CELSR2: variants seen among roughly 807,000 people sequenced by gnomAD.
The protein encoded by CELSR2 is EGF-like protein 2.
Under a neutral mutation model 251.6 loss-of-function variants are expected in CELSR2, and 81 were observed. That is an observed-to-expected ratio of 0.32 (90% CI 0.27 to 0.39). The LOEUF is 0.39. Ranked by LOEUF, CELSR2 falls within the 10% of genes least tolerant of loss-of-function variation. The pLI, the probability that CELSR2 is intolerant of heterozygous loss-of-function variation, is 1.00. For missense variants in CELSR2, 3,365 were observed against 3,947.7 expected, an observed-to-expected ratio of 0.85 and a Z score of 3.96; for synonymous variants, 1,721 against 1,670.5, an observed-to-expected ratio of 1.03 and a Z score of -0.74.
At position 109,262,292 on chromosome 1, in the gene CELSR2, G is replaced by A. The variant is rs755796488; in HGVS notation, c.4392G>A (p.Leu1464=). 24 of 1,613,938 alleles carry A rather than the reference G, an allele frequency of 1.5e-5. No individual in the cohort carries two copies. The highest frequency in any genetic ancestry group is 4.0e-5 in the African/African-American group (3 of 75,060). ...TVQLKYYNKP[L]LGQTGLPQGP... is the part of the protein sequence containing the mutation. ...CTGCTCTTTCCTGTCCACAGCCACT[G>A]TTGGGTCAGACAGGGCTCCCACAGG... The change falls in exon 6 of 34, where the codon CTG becomes CTA. Residue 1464 remains leucine (L), a synonymous_variant. Transcript: ENST00000271332.
At chr1:109,256,356 G>A (rs533243853) in intron 1 of CELSR2, among the ~76,000 whole-genome samples, 2 of 152,282 alleles carry the variant, frequency 1.3e-5, no homozygotes, top group South Asian at 2.1e-4. Flanking sequence ...TGACAAGCAG[G>A]CTTGCTGGTG....
At chr1:109,267,808 A>G (rs1557735126) in intron 16 of CELSR2, 43 bp from the exon 17 acceptor site, 1 of 1,586,534 alleles carries the variant, frequency 6.3e-7, no homozygotes, top group African/African-American at 1.3e-5. Flanking sequence ...TTTGCTCCAG[A>G]GTTCCTGCCC....
chr1:109,260,527 A>C (rs1018660740), intron 2 of CELSR2, among the ~76,000 whole-genome samples: 5 of 152,128 alleles, frequency 3.3e-5, no homozygotes, highest in African/African-American at 1.2e-4. Context: ...TCCCATCCCC[A>C]GGGAGGGAAA....
At position 109,263,783 on chromosome 1, in the gene CELSR2, G is replaced by A; in HGVS notation, c.5001+6G>A. On this transcript the variant is annotated splice_donor_region_variant and intron_variant, in intron 9 of 33. Coordinates refer to ENST00000271332, the MANE Select transcript of CELSR2 (RefSeq NM_001408.3). ...GCAGCACCATCACCCTACAGGTGAT[G>A]CATGGAAGGGCGGCTGGCCCTGGCC... 1.9e-6 allele frequency: 3 copies of A among 1,611,396 alleles called. No homozygotes were observed. In the Middle Eastern group the frequency reaches 5.0e-4, roughly 266 times the overall value.
In CELSR2 at chr1:109,251,570, T is replaced by A. The variant is rs1557726234; in HGVS notation, c.1491T>A (p.Asp497Glu). 6.2e-7 allele frequency: 1 copy of A among 1,613,812 alleles called. No individual in the cohort carries two copies. Among genetic ancestry groups the A allele is most frequent in the Admixed American group, 1.7e-5 (1 of 60,022 alleles). Residue 497 changes from aspartate (D) to glutamate (E), a missense_variant, in exon 1 of 34, where the codon GAT becomes GAA. Asp to Glu is a conservative substitution (Grantham distance 45). Around this residue, in one of 5 missense-constraint regions of CELSR2, gnomAD observed 704 missense variants for 784.1 expected, o/e 0.90. Transcript: ENST00000271332. The surrounding 1 kb of genome is among the most constrained non-coding windows in gnomAD (Gnocchi z 4.9). ...GCTTGGTGACAGTACAGGTCCTGGA[T>A]ATCAACGACAATGCCCCCATCTTCG... ...VSGLVTVQVL[D>E]INDNAPIFVS...
At chr1:109,273,797 C>T (rs1472839739) in intron 33 of CELSR2, 127 bp downstream of exon 33, 2 of 975,120 alleles carry the variant, frequency 2.1e-6, no homozygotes, top group Middle Eastern at 2.9e-4. Flanking sequence ...CAGAACTGGC[C>T]CAGCTCCCTT....
chr1:109,266,895 A>AT (rs1324530157), intron 15 of CELSR2, among the ~76,000 whole-genome samples: 2 of 126,178 alleles, frequency 1.6e-5, no homozygotes, highest in African/African-American at 6.1e-5. Flanking sequence ...AATTTTTTAT[A>AT]TTTTTTTAGT....
Position 109,251,496 on chromosome 1 carries a change from C to G in CELSR2, c.1417C>G (p.Arg473Gly). 6.2e-7 allele frequency: 1 copy of G among 1,613,768 alleles called. No individual in the cohort carries two copies. The change falls in exon 1 of 34, where the codon CGG becomes GGG. Residue 473 changes from arginine (R) to glycine (G), a missense_variant. Physicochemically the swap from Arg to Gly is moderately radical, Grantham distance 125. Around this residue, in one of 5 missense-constraint regions of CELSR2, gnomAD observed 704 missense variants for 784.1 expected, o/e 0.90. Transcript: ENST00000271332. This position sits in a 1 kb window ranked among gnomAD's most constrained non-coding sequence, Gnocchi z 4.9. Reference sequence around the variant, plus strand: ...TGAGACGACCAAGGAGTACACCCTACGGGTGCGAGCACAGGATGGTGGCCG... The same window carrying G: ...TGAGACGACCAAGGAGTACACCCTAGGGGTGCGAGCACAGGATGGTGGCCG... ...DYETTKEYTL[R>G]VRAQDGGRPP...
intron 1 of CELSR2, among the ~76,000 whole-genome samples, chr1:109,257,331 C>T (rs929799091): frequency 1.1e-4 from 16 of 146,114 alleles, no homozygotes; most frequent in African/African-American, 3.9e-4. Flanking sequence ...CCAGTGTAGG[C>T]GACAGAGAGT....
intron 11 of CELSR2, 33 bp from the exon 12 acceptor site, chr1:109,264,835 G>A: frequency 6.2e-7 from 1 of 1,613,668 alleles, no homozygotes; most frequent in Non-Finnish European, 8.5e-7. Flanking sequence ...GGGAGGGTGG[G>A]GGAATGAGCC....
intron 17 of CELSR2, 67 bp downstream of exon 17, chr1:109,268,127 C>T (rs982289169): frequency 6.8e-5 from 105 of 1,534,038 alleles, no homozygotes; most frequent in Non-Finnish European, 7.9e-5. Context: ...CTGCTCATGG[C>T]AACCTGGGGG....
intron 1 of CELSR2, among the ~76,000 whole-genome samples, chr1:109,256,957 C>G (rs1655866286): frequency 6.6e-6 from 1 of 152,210 alleles, no homozygotes; most frequent in South Asian, 2.1e-4. Flanking sequence ...TGCGCCCGGC[C>G]CCCTGCTATG....
Position 109,251,150 on chromosome 1 carries a change from G to A in CELSR2, c.1071G>A (p.Arg357=), listed in dbSNP as rs751233523. The A allele has an allele frequency of 1.2e-6, 2 of 1,613,252 alleles. No individual in the cohort carries two copies. Among genetic ancestry groups the A allele is most frequent in the East Asian group, 4.5e-5 (2 of 44,894 alleles). Residue 357 remains arginine (R), a synonymous_variant, in exon 1 of 34, where the codon CGG becomes CGA. Coordinates refer to ENST00000271332, the MANE Select transcript of CELSR2 (RefSeq NM_001408.3). The surrounding 1 kb of genome is among the most constrained non-coding windows in gnomAD (Gnocchi z 4.9). ...TCCGAACCCGTGGCCCTGTGGATCGGGAAGAGGTGGAATCCTACCAGCTGA... is the reference window on the plus strand; with the variant it reads ...TCCGAACCCGTGGCCCTGTGGATCGAGAAGAGGTGGAATCCTACCAGCTGA... The part of the protein sequence containing the change: ...GVIRTRGPVD[R]EEVESYQLTV...
At position 109,251,134 on chromosome 1, in the gene CELSR2, G is replaced by A. The variant is rs764686331; in HGVS notation, c.1055G>A (p.Arg352His). 1.3e-5 allele frequency: 21 copies of A among 1,613,206 alleles called. No homozygotes were observed. The highest frequency in any genetic ancestry group is 6.6e-5 in the South Asian group (6 of 91,076). ...CCTCGCTCTGGGGTGATCCGAACCCGTGGCCCTGTGGATCGGGAAGAGGTG... is the reference window on the plus strand; with the variant it reads ...CCTCGCTCTGGGGTGATCCGAACCCATGGCCCTGTGGATCGGGAAGAGGTG... ...IDPRSGVIRT[R>H]GPVDREEVES... The change falls in exon 1 of 34, where the codon CGT becomes CAT. Residue 352 changes from arginine to histidine, a missense_variant. Coordinates refer to ENST00000271332, the MANE Select transcript of CELSR2 (RefSeq NM_001408.3). The surrounding 1 kb of genome is among the most constrained non-coding windows in gnomAD (Gnocchi z 4.9).
rs767467888 is a variant in CELSR2 at position 109,273,644 on chromosome 1, G to A, written c.8718G>A (p.Thr2906=). The A allele has an allele frequency of 4.0e-6, 6 of 1,499,760 alleles. No homozygotes were observed. In the South Asian group the frequency reaches 5.1e-5, roughly 13 times the overall value. The allele number at this position is 1,499,760 out of a possible 1,614,324, so 92.9% of individuals were successfully genotyped here. The change falls in exon 33 of 34, where the codon ACG becomes ACA. Residue 2906 remains threonine (T), a synonymous_variant. Coordinates refer to ENST00000271332, the MANE Select transcript of CELSR2 (RefSeq NM_001408.3). ...MPIAMSIKAG[T]VDEDSSGSEF... ...TCGCCATGAGCATCAAGGCAGGCAC[G>A]GTGGATGAGGACTCGTCAGGCTCCG...
rs1348692891 is a variant in CELSR2, at chr1:109,273,593, G to A, written c.8667G>A (p.Gln2889=). ...GCCCACCGCCCCGGCAGAGCCTCCAGGAGCAGCTGAACGGGGTCATGCCCA... is the reference window on the plus strand; with the variant it reads ...GCCCACCGCCCCGGCAGAGCCTCCAAGAGCAGCTGAACGGGGTCATGCCCA... ...PPRPPPRQSL[Q]EQLNGVMPIA... Residue 2889 remains glutamine (Q), a synonymous_variant, in exon 33 of 34, where the codon CAG becomes CAA. Coordinates refer to ENST00000271332, the MANE Select transcript of CELSR2 (RefSeq NM_001408.3). The A allele has an allele frequency of 1.9e-6, 3 of 1,555,860 alleles. No homozygotes were observed. The highest frequency in any genetic ancestry group is 1.4e-5 in the African/African-American group (1 of 73,084).
At chr1:109,265,586 A>G in intron 13 of CELSR2, 149 bp from the exon 14 acceptor site, 1 of 990,884 alleles carries the variant, frequency 1.0e-6, no homozygotes, top group Non-Finnish European at 1.5e-6. Flanking sequence ...CTCAACTCCA[A>G]AGCATTGCTA....
At position 109,265,076 on chromosome 1, in the gene CELSR2, G is replaced by A; in HGVS notation, c.5606+67G>A. On this transcript the variant is annotated intron_variant, in intron 12 of 33. Transcript: ENST00000271332. ...CTGCTTCTCTCTGGTGTGTCCCTCA[G>A]AGCCCCGAAAGCCTGGCTGATCCAC... The A allele has an allele frequency of 3.7e-6, 6 of 1,605,134 alleles. No individual in the cohort carries two copies. The South Asian group carries it at 6.6e-5, about 18-fold the overall frequency.
At position 109,251,715 on chromosome 1, in the gene CELSR2, G is replaced by T. The variant is rs1475463432; in HGVS notation, c.1636G>T (p.Gly546Trp). The T allele has an allele frequency of 3.7e-6, 6 of 1,614,122 alleles. No homozygotes were observed. In the Admixed American group the frequency reaches 6.7e-5, roughly 18 times the overall value. ...TGCCCGCCTGGAATACCGCCTTGCT[G>T]GGGTGGGACATGACTTCCCCTTCAC... ...DNARLEYRLA[G>W]VGHDFPFTIN... The change falls in exon 1 of 34, where the codon GGG (glycine) becomes TGG (tryptophan). Residue 546 changes from glycine to tryptophan, a missense_variant. Around this residue, in one of 5 missense-constraint regions of CELSR2, gnomAD observed 704 missense variants for 784.1 expected, o/e 0.90. Coordinates refer to ENST00000271332, the MANE Select transcript of CELSR2 (RefSeq NM_001408.3). The surrounding 1 kb of genome is among the most constrained non-coding windows in gnomAD (Gnocchi z 4.9).
Sources: allele counts gnomAD v4.1 joint callset (sites outside exome capture counted in the v4.1 genomes callset), GRCh38; gene constraint gnomAD v4.1.1; regional missense constraint gnomAD v4.1.1; non-coding constraint Gnocchi (gnomAD v3.1); transcripts MANE v1.5; gene names NCBI Gene and HGNC (gene_info 2026-07-23, HGNC 2026-07-21).